ANO10: variants seen among roughly 807,000 people sequenced by gnomAD.
The protein encoded by ANO10 is anoctamin 10.
ANO10 carries 77 observed loss-of-function variants against 74.7 expected under a neutral mutation model. The ratio of observed to expected loss-of-function variants is 1.03; its 90% confidence interval spans 0.86 to 1.25. The LOEUF (loss-of-function observed/expected upper bound fraction) is 1.25, where lower values mean the gene tolerates loss of function less well. Among genes scored for constraint, ANO10 ranks in the 50% most tolerant of loss-of-function variants. The probability of loss-of-function intolerance (pLI) is 0.00; values close to 1 mark genes in which losing one functional copy is unlikely to be tolerated. For synonymous variants in ANO10, 279 were observed against 284.9 expected, an observed-to-expected ratio of 0.98 and a Z score of 0.21; for missense variants, 721 against 778.1, an observed-to-expected ratio of 0.93 and a Z score of 0.87.
chr3:43,396,391 T>G (rs1029753657), intron 12 of ANO10, among the ~76,000 whole-genome samples: 3 of 151,978 alleles, frequency 2.0e-5, no homozygotes, highest in African/African-American at 7.3e-5. Flanking sequence ...CAGGCTGGAG[T>G]GCAGTGGCGC....
intron 4 of ANO10, among the ~76,000 whole-genome samples, chr3:43,582,180 G>A (rs1264918666): frequency 4.6e-5 from 7 of 152,028 alleles, no homozygotes; most frequent in South Asian, 2.1e-4. Flanking sequence ...GGCTGGGCGC[G>A]GTGGCTCACA....
chr3:43,572,236 AC>A (rs201522767), intron 7 of ANO10, among the ~76,000 whole-genome samples: 3 of 151,860 alleles, frequency 2.0e-5, no homozygotes, highest in Admixed American at 6.6e-5. Flanking sequence ...ATCAATCAGG[AC>A]CCCCCCACCA....
chr3:43,508,799 T>C (rs2077395870), intron 11 of ANO10, among the ~76,000 whole-genome samples: 2 of 139,704 alleles, frequency 1.4e-5, no homozygotes, highest in South Asian at 4.4e-4. Flanking sequence ...TGTTGTGGGG[T>C]AGGGGGAGGC....
At chr3:43,491,153 T>TGGA (rs1392238483) in intron 11 of ANO10, among the ~76,000 whole-genome samples, 1 of 152,164 alleles carries the variant, frequency 6.6e-6, no homozygotes, top group African/African-American at 2.4e-5. Context: ...GCTGTGCATG[T>TGGA]GGACATCTCA....
At chr3:43,681,206 T>C (rs1389380749) in intron 1 of ANO10, among the ~76,000 whole-genome samples, 2 of 151,694 alleles carry the variant, frequency 1.3e-5, no homozygotes, top group East Asian at 1.9e-4. Context: ...GAGACACACA[T>C]AGGCTCAAAA....
intron 12 of ANO10, among the ~76,000 whole-genome samples, chr3:43,414,160 A>G (rs185487889): frequency 2.0e-5 from 3 of 152,344 alleles, no homozygotes; most frequent in African/African-American, 7.2e-5. Flanking sequence ...GAAAACAAAT[A>G]GTAACACAAG....
At chr3:43,463,177 G>C (rs1381137987) in intron 11 of ANO10, among the ~76,000 whole-genome samples, 1 of 152,150 alleles carries the variant, frequency 6.6e-6, no homozygotes. Context: ...CCAGACCTGA[G>C]AATGGCAGAT....
At chr3:43,563,949 G>T (rs2080180378) in intron 8 of ANO10, among the ~76,000 whole-genome samples, 1 of 152,014 alleles carries the variant, frequency 6.6e-6, no homozygotes, top group African/African-American at 2.4e-5. Context: ...AGCAGAGTAG[G>T]GTGATTATGG....
At chr3:43,614,168 A>C (rs531642871) in intron 1 of ANO10, among the ~76,000 whole-genome samples, 2 of 152,232 alleles carry the variant, frequency 1.3e-5, no homozygotes, top group Non-Finnish European at 2.9e-5. Flanking sequence ...ACATTTATGC[A>C]TTGTTCAATG....
At chr3:43,378,384 A>G (rs946178485) in intron 12 of ANO10, among the ~76,000 whole-genome samples, 1 of 152,342 alleles carries the variant, frequency 6.6e-6, no homozygotes, top group South Asian at 2.1e-4. Flanking sequence ...CACTAAGGCC[A>G]TCACCAAGGT....
intron 12 of ANO10, among the ~76,000 whole-genome samples, chr3:43,371,571 C>T (rs1044446865): frequency 1.3e-5 from 2 of 152,226 alleles, no homozygotes; most frequent in African/African-American, 2.4e-5. Flanking sequence ...CTGCCTGAAA[C>T]GAAGCCACCC....
At chr3:43,643,540 T>C (rs2083693138) in intron 1 of ANO10, among the ~76,000 whole-genome samples, 1 of 151,932 alleles carries the variant, frequency 6.6e-6, no homozygotes, top group Admixed American at 6.6e-5. Context: ...TTGGGCGTCA[T>C]TTCATATGTG....
rs762918406 is a variant in ANO10 at position 43,549,757 on chromosome 3, G to C, written c.1760C>G (p.Ser587Ter). 4.3e-6 allele frequency: 7 copies of C among 1,613,894 alleles called. No individual in the cohort carries two copies. The African/African-American group carries it at 6.7e-5, about 15-fold the overall frequency. ...SPQVNAVFPESKADLILIVVA... is the reference protein window; with the variant it reads ...SPQVNAVFPE ...TACAATCAAAATGAGGTCTGCTTTTGATTCTGGAAAGACTGCATTCACTTG... is the reference window on the plus strand; with the variant it reads ...TACAATCAAAATGAGGTCTGCTTTTCATTCTGGAAAGACTGCATTCACTTG... Residue 587 changes from serine to a stop codon, truncating the protein, a stop_gained, in exon 11 of 13, where the codon TCA becomes TGA. Coordinates refer to ENST00000292246, the MANE Select transcript of ANO10 (RefSeq NM_018075.5). LOFTEE classifies it high-confidence loss of function.
intron 8 of ANO10, among the ~76,000 whole-genome samples, chr3:43,563,366 T>C (rs577033593): frequency 2.7e-5 from 4 of 150,758 alleles, no homozygotes; most frequent in Non-Finnish European, 2.9e-5. Context: ...TACACTGTTG[T>C]TGGTAGAAAT....
chr3:43,578,749 C>CAAAAAAAAAAAAAAAAAAAAA (rs56186109), intron 5 of ANO10, among the ~76,000 whole-genome samples: 1 of 64,446 alleles, frequency 1.6e-5, no homozygotes, highest in African/African-American at 4.8e-5. Flanking sequence ...GACTCCATCT[C>CAAAAAAAAAAAAAAAAAAAAA]AAAAAAAAAA....
chr3:43,371,199 A>G (rs1284724979), intron 12 of ANO10, among the ~76,000 whole-genome samples: 1 of 152,070 alleles, frequency 6.6e-6, no homozygotes, highest in Non-Finnish European at 1.5e-5. Context: ...TACAGAAGGA[A>G]TCTGTCTGGG....
chr3:43,434,778 G>A (rs1232891356), intron 11 of ANO10, among the ~76,000 whole-genome samples: 1 of 152,206 alleles, frequency 6.6e-6, no homozygotes, highest in African/African-American at 2.4e-5. Flanking sequence ...GAACAAGGCT[G>A]CCCAGATTTT....
At chr3:43,612,140 TTATATA>T (rs55675402) in intron 1 of ANO10, among the ~76,000 whole-genome samples, 7,367 of 64,168 alleles carry the variant, frequency 0.11, 383 homozygotes, top group Admixed American at 0.18. Flanking sequence ...ATTAAATATT[TTATATA>T]TATATATATA....
chr3:43,576,827 C>A lies in ANO10; in HGVS notation c.1027G>T (p.Ala343Ser). ...MMIYFDMEVW[A>S]LGLHENSGSE... Reference sequence around the variant, plus strand: ...CCGCTGTTCTCATGTAGACCCAAGGCCCAAACCTCCATGTCGAAGTAAATC... The same window carrying A: ...CCGCTGTTCTCATGTAGACCCAAGGACCAAACCTCCATGTCGAAGTAAATC... Residue 343 changes from alanine (A) to serine (S), a missense_variant, in exon 6 of 13, where the codon GCC becomes TCC. By Grantham distance (99) the Ala-to-Ser change is moderately conservative (BLOSUM62 1). Coordinates refer to ENST00000292246, the MANE Select transcript of ANO10 (RefSeq NM_018075.5). 6.2e-7 allele frequency: 1 copy of A among 1,614,112 alleles called. No individual in the cohort carries two copies. The highest frequency in any genetic ancestry group is 8.5e-7 in the Non-Finnish European group (1 of 1,180,014).
Sources: gnomAD v4.1 joint callset for allele counts (sites outside exome capture counted in the v4.1 genomes callset) on GRCh38, gnomAD v4.1.1 for gene constraint, MANE v1.5 for transcripts, NCBI Gene and HGNC (gene_info 2026-07-23, HGNC 2026-07-21) for gene names.